The following LDLRAD3 variants were observed in gnomAD, a reference collection of about 807,000 sequenced individuals.
The protein encoded by LDLRAD3 is low-density lipoprotein receptor class A domain-containing protein 3.
In LDLRAD3, 20 loss-of-function variants were observed where a neutral mutation model predicts 29.4. The observed-to-expected ratio is 0.68, with a 90% CI of 0.48 to 0.99. LDLRAD3 has a LOEUF of 0.99. Among genes scored for constraint, LDLRAD3 ranks in the 50% least tolerant of loss-of-function variants. The probability of loss-of-function intolerance (pLI) is 0.00; values close to 1 mark genes in which losing one functional copy is unlikely to be tolerated. For missense variants in LDLRAD3, 420 were observed against 454.3 expected (o/e 0.92, Z 0.69); for synonymous variants, 157 against 192.7 (o/e 0.81, Z 1.53).
Position 36,177,099 on chromosome 11 carries a change from T to C in LDLRAD3, c.455-49986T>C, listed in dbSNP as rs115101087. On this transcript the variant is annotated intron_variant, in intron 4 of 5. Coordinates refer to ENST00000315571, the MANE Select transcript of LDLRAD3 (RefSeq NM_174902.4). ...AAGTTCTTTCCTCTACTTGTTTGAT[T>C]CTATTGTTGAAAATTTCCAGTTTAT... Among the ~76,000 whole-genome samples, 1,323 of 152,260 alleles carry C rather than the reference T, an allele frequency of 8.7e-3. 31 individuals carry two copies. Among genetic ancestry groups the C allele is most frequent in the African/African-American group, 0.03 (1,248 of 41,560 alleles).
At chr11:36,161,952 G>C (rs1854446119) in intron 4 of LDLRAD3, among the ~76,000 whole-genome samples, 1 of 152,172 alleles carries the variant, frequency 6.6e-6, no homozygotes, top group Non-Finnish European at 1.5e-5. Flanking sequence ...GAGTTGTGCA[G>C]TCCGCAGACT....
At chr11:36,133,677 G>T (rs1450553127) in intron 4 of LDLRAD3, among the ~76,000 whole-genome samples, 1 of 151,454 alleles carries the variant, frequency 6.6e-6, no homozygotes, top group African/African-American at 2.4e-5. Flanking sequence ...GGGACCACAG[G>T]CGCCTGCCAC....
At chr11:36,122,090 T>G (rs1590285003) in intron 4 of LDLRAD3, among the ~76,000 whole-genome samples, 1 of 152,164 alleles carries the variant, frequency 6.6e-6, no homozygotes, top group East Asian at 1.9e-4. Flanking sequence ...CCCACACTCT[T>G]GTGACCTCAG....
intron 1 of LDLRAD3, among the ~76,000 whole-genome samples, chr11:35,998,021 A>T (rs1851777270): frequency 1.3e-5 from 2 of 152,192 alleles, no homozygotes; most frequent in African/African-American, 4.8e-5. Context: ...GAGTTGACTC[A>T]GCCAGGTGGC....
Position 35,944,499 on chromosome 11 carries a change from A to AAGGAG in LDLRAD3, c.46+368_46+372dup, listed in dbSNP as rs112377671. The stretch of plus-strand genomic sequence containing the variant: ...TTGAGGAACGGAGGCGGGGAAAGGA[A>AAGGAG]AGGAGAGGAGAGGAGAGAACTCTTC... On this transcript the variant is annotated intron_variant, in intron 1 of 5. Coordinates refer to ENST00000315571, the MANE Select transcript of LDLRAD3 (RefSeq NM_174902.4). This position sits in a 1 kb window ranked among gnomAD's most constrained non-coding sequence, Gnocchi z 4.9. Among the ~76,000 whole-genome samples, 1 of 151,660 alleles carries AAGGAG rather than the reference A, an allele frequency of 6.6e-6. No individual in the cohort carries two copies. Among genetic ancestry groups the AAGGAG allele is most frequent in the South Asian group, 2.1e-4 (1 of 4,816 alleles).
chr11:36,162,114 G>A (rs1364554977), intron 4 of LDLRAD3, among the ~76,000 whole-genome samples: 2 of 152,142 alleles, frequency 1.3e-5, no homozygotes, highest in Non-Finnish European at 2.9e-5. Context: ...GCTGTATTTA[G>A]CCTCGATGTG....
chr11:36,171,057 C>A (rs531832615), intron 4 of LDLRAD3, among the ~76,000 whole-genome samples: 1 of 152,252 alleles, frequency 6.6e-6, no homozygotes, highest in African/African-American at 2.4e-5. Flanking sequence ...GTCTTGGCCT[C>A]CCAAAGTGCT....
At chr11:36,099,969 T>A (rs1315266067) in intron 4 of LDLRAD3, among the ~76,000 whole-genome samples, 1 of 152,138 alleles carries the variant, frequency 6.6e-6, no homozygotes, top group Non-Finnish European at 1.5e-5. Context: ...GTTCTCAAAG[T>A]ATAATCCTCA....
intron 2 of LDLRAD3, among the ~76,000 whole-genome samples, chr11:36,075,400 C>T (rs1852980709): frequency 6.6e-6 from 1 of 152,166 alleles, no homozygotes; most frequent in African/African-American, 2.4e-5. Context: ...GGACCCCTGA[C>T]ACAGCATCTT....
At chr11:35,983,272 T>C (rs1029338168) in intron 1 of LDLRAD3, among the ~76,000 whole-genome samples, 1 of 152,230 alleles carries the variant, frequency 6.6e-6, no homozygotes, top group Non-Finnish European at 1.5e-5. Flanking sequence ...AACCCTATAT[T>C]GGGTGTATAG....
At chr11:35,967,244 G>C (rs1851353521) in intron 1 of LDLRAD3, 1 of 204,396 alleles carries the variant, frequency 4.9e-6, no homozygotes, top group Non-Finnish European at 1.0e-5. Context: ...TTTCCCCAGG[G>C]AGGGCCAGGG....
At chr11:36,118,514 A>T (rs202157319) in intron 4 of LDLRAD3, among the ~76,000 whole-genome samples, 25 of 149,008 alleles carry the variant, frequency 1.7e-4, no homozygotes, top group Middle Eastern at 6.9e-3. Context: ...TGTGTGTGTG[A>T]GAGAGAGAGA....
At chr11:36,018,333 A>G (rs192846144) in intron 1 of LDLRAD3, among the ~76,000 whole-genome samples, 103 of 152,314 alleles carry the variant, frequency 6.8e-4, no homozygotes, top group East Asian at 3.5e-3. Flanking sequence ...CTGATGTCTT[A>G]TCCTTCTTAG....
intron 1 of LDLRAD3, among the ~76,000 whole-genome samples, chr11:35,950,680 AGAGT>A: frequency 6.6e-6 from 1 of 152,280 alleles, no homozygotes; most frequent in East Asian, 1.9e-4. Flanking sequence ...GGTGTCTAGA[AGAGT>A]GAGAGTGGCT....
intron 4 of LDLRAD3, among the ~76,000 whole-genome samples, chr11:36,202,406 T>G (rs1855140241): frequency 6.6e-6 from 1 of 152,130 alleles, no homozygotes. Flanking sequence ...ATAATAATAG[T>G]AACAGCACCT....
intron 4 of LDLRAD3, among the ~76,000 whole-genome samples, chr11:36,152,796 C>T (rs1854295339): frequency 6.6e-6 from 1 of 152,190 alleles, no homozygotes; most frequent in African/African-American, 2.4e-5. Context: ...TTTTTCCATG[C>T]TATTTTTGCT....
intron 1 of LDLRAD3, among the ~76,000 whole-genome samples, chr11:35,962,006 C>G (rs1851283715): frequency 6.6e-6 from 1 of 152,094 alleles, no homozygotes; most frequent in African/African-American, 2.4e-5. Context: ...GACTCTTGAT[C>G]CTCCTGAAAA....
chr11:36,223,531 C>G (rs920705071), intron 4 of LDLRAD3, among the ~76,000 whole-genome samples: 5 of 152,068 alleles, frequency 3.3e-5, no homozygotes, highest in African/African-American at 1.2e-4. Context: ...GAGTTCAAGA[C>G]CAGCCTGGGC....
chr11:36,151,953 A>G (rs1317905088), intron 4 of LDLRAD3, among the ~76,000 whole-genome samples: 1 of 152,166 alleles, frequency 6.6e-6, no homozygotes, highest in Non-Finnish European at 1.5e-5. Context: ...GATGACTTGG[A>G]GAAAATTACC....
Sources: gnomAD v4.1 joint callset for allele counts (sites outside exome capture counted in the v4.1 genomes callset) on GRCh38, gnomAD v4.1.1 for gene constraint, Gnocchi (gnomAD v3.1) non-coding constraint, MANE v1.5 for transcripts, NCBI Gene and HGNC (gene_info 2026-07-23, HGNC 2026-07-21) for gene names.